The following STRIP1 variants were observed in gnomAD, a reference collection of about 807,000 sequenced individuals.
STRIP1 encodes the protein striatin interacting protein 1.
Under a neutral mutation model 106.2 loss-of-function variants are expected in STRIP1, and 63 were observed. The observed-to-expected ratio is 0.59, with a 90% confidence interval of 0.48 to 0.73. The LOEUF is 0.73. STRIP1 is among the 30% of genes least tolerant of loss of function. The pLI, the probability that STRIP1 is intolerant of heterozygous loss-of-function variation, is 0.00. For missense variants in STRIP1, 857 were observed against 1,074.8 expected (o/e 0.80, Z 2.83); for synonymous variants, 390 against 413.0 (o/e 0.94, Z 0.67).
At chr1:110,052,324 C>G (rs752542876) in intron 20 of STRIP1, among the ~76,000 whole-genome samples, 1 of 152,134 alleles carries the variant, frequency 6.6e-6, no homozygotes, top group East Asian at 1.9e-4. Flanking sequence ...GGCTAGAGTG[C>G]GATCCTGGCT....
rs564301621 is a variant in STRIP1, at chr1:110,039,000, C to G, written c.326-172C>G. The G allele has an allele frequency of 3.6e-6, 3 of 822,008 alleles. No individual in the cohort carries two copies. In the African/African-American group the frequency reaches 5.2e-5, roughly 14 times the overall value. The allele number at this position is 822,008 out of a possible 1,614,324, so 50.9% of individuals were successfully genotyped here. A position where few individuals can be genotyped will look rare whatever the true frequency, so the allele number is the denominator to read the frequency against. On this transcript the variant is annotated intron_variant, in intron 3 of 20. Coordinates refer to ENST00000369795, the MANE Select transcript of STRIP1 (RefSeq NM_033088.4). ...ATTAAAATTGCACCCAAAATACCAG[C>G]GTTTCAGTTTGGAATCAAATTCATA...
chr1:110,046,652 GC>G, intron 12 of STRIP1, 27 bp from the exon 13 acceptor site: 1 of 1,608,610 alleles, frequency 6.2e-7, no homozygotes, highest in Non-Finnish European at 8.5e-7. Flanking sequence ...GTTTTCCCCA[GC>G]CCTTCTTTTC....
At chr1:110,035,214 C>T (rs964916361) in intron 1 of STRIP1, among the ~76,000 whole-genome samples, 4 of 152,140 alleles carry the variant, frequency 2.6e-5, no homozygotes, top group Non-Finnish European at 4.4e-5. Flanking sequence ...GGGCGTCTGT[C>T]CCTGGCACGC....
At chr1:110,042,056 G>A (rs1354692691) in intron 8 of STRIP1, among the ~76,000 whole-genome samples, 195 bp downstream of exon 8, 1 of 152,202 alleles carries the variant, frequency 6.6e-6, no homozygotes, top group African/African-American at 2.4e-5. Context: ...GAGGACATAG[G>A]CCTTGAGTCA....
At chr1:110,034,887 T>G (rs2101761301) in intron 1 of STRIP1, 70 bp downstream of exon 1, 1 of 1,352,006 alleles carries the variant, frequency 7.4e-7, no homozygotes, top group East Asian at 3.1e-5. Context: ...CCGGGGCCAC[T>G]CTAGGGGCCA....
At chr1:110,036,689 TA>T in intron 1 of STRIP1, among the ~76,000 whole-genome samples, 1 of 152,224 alleles carries the variant, frequency 6.6e-6, no homozygotes, top group Middle Eastern at 3.2e-3. Flanking sequence ...GATTAGTCCT[TA>T]AAAATCTTCA....
upstream of STRIP1, among the ~76,000 whole-genome samples, chr1:110,033,642 C>T (rs2101759072): frequency 6.6e-6 from 1 of 152,308 alleles, no homozygotes; most frequent in Non-Finnish European, 1.5e-5. Context: ...CCAGTCCCAT[C>T]ACAGGGGCCC....
Position 110,042,857 on chromosome 1 carries a change from A to G in STRIP1, c.886-231A>G, listed in dbSNP as rs983974913. 5.7e-6 allele frequency: 3 copies of G among 529,350 alleles called. No homozygotes were observed. The African/African-American group carries it at 5.7e-5, about 10-fold the overall frequency. 32.8% of individuals were successfully genotyped at this position (529,350 alleles called of 1,614,324 possible). ...GGTGCAGAGTTAGTGTATCTGCACT[A>G]GGGTCAGTCAGCCTGCATCTCCACT... On this transcript the variant is annotated intron_variant, in intron 8 of 20. Transcript: ENST00000369795.
chr1:110,046,845 A>AT, intron 13 of STRIP1, 94 bp downstream of exon 13: 1 of 874,650 alleles, frequency 1.1e-6, no homozygotes, highest in Non-Finnish European at 1.9e-6. Flanking sequence ...AGGTCAGGAG[A>AT]TTGAGACCAT....
At chr1:110,042,934 T>C in intron 8 of STRIP1, 154 bp from the exon 9 acceptor site, 1 of 660,788 alleles carries the variant, frequency 1.5e-6, no homozygotes, top group South Asian at 2.1e-5. Context: ...GGAATTCTCC[T>C]TGGGAGTGGC....
intron 10 of STRIP1, 105 bp from the exon 11 acceptor site, chr1:110,044,735 C>T: frequency 1.8e-6 from 2 of 1,087,934 alleles, no homozygotes; most frequent in Non-Finnish European, 2.7e-6. Context: ...GAGACTTCTC[C>T]TGGCTTCACA....
chr1:110,051,448 C>T (rs1474584011), intron 19 of STRIP1, among the ~76,000 whole-genome samples: 2 of 152,178 alleles, frequency 1.3e-5, no homozygotes, highest in East Asian at 3.8e-4. Flanking sequence ...CCATAGCTTT[C>T]TTCAGATTCC....
chr1:110,051,787 A>G lies in STRIP1; in HGVS notation c.2166A>G (p.Lys722=). Residue 722 remains lysine, a synonymous_variant, in exon 20 of 21, where the codon AAA becomes AAG. Transcript: ENST00000369795. ...TGAAGCTGCTCAAGGTACAGACCAA[A>G]TACTTGGGGCGGCAGTGGCGAAAGA... The part of the protein sequence containing the change: ...YVLKLLKVQT[K]YLGRQWRKSN... The G allele has an allele frequency of 6.2e-7, 1 of 1,613,960 alleles. No individual in the cohort carries two copies. The highest frequency in any genetic ancestry group is 8.5e-7 in the Non-Finnish European group (1 of 1,180,036).
intron 3 of STRIP1, 129 bp from the exon 4 acceptor site, chr1:110,039,043 T>TA: frequency 9.4e-7 from 1 of 1,062,278 alleles, no homozygotes; most frequent in Non-Finnish European, 1.4e-6. Flanking sequence ...AGTATGATCT[T>TA]ACCACTTACA....
At chr1:110,052,782 T>C (rs975297216) in intron 20 of STRIP1, among the ~76,000 whole-genome samples, 3 of 152,100 alleles carry the variant, frequency 2.0e-5, no homozygotes, top group African/African-American at 7.2e-5. Flanking sequence ...CTCAGGGGGT[T>C]CTTGAACTCC....
chr1:110,054,083 T>G lies in STRIP1; in HGVS notation c.*171T>G. The G allele has an allele frequency of 5.6e-6, 4 of 714,248 alleles. No individual in the cohort carries two copies. Among genetic ancestry groups the G allele is most frequent in the Non-Finnish European group, 9.2e-6 (4 of 434,858 alleles). The allele number at this position is 714,248 out of a possible 1,614,324, so 44.2% of individuals were successfully genotyped here. ...GGGTGAGCCCAGCTTGACCTCCCCT[T>G]GGTTCCCAGGGTCCTGCTCCGAAGC... is the stretch of plus-strand genomic sequence containing the variant. On this transcript the variant is annotated 3_prime_UTR_variant, in exon 21 of 21. Transcript: ENST00000369795.
chr1:110,049,552 C>A lies in STRIP1; in HGVS notation c.1881C>A (p.Ala627=). 6.2e-7 allele frequency: 1 copy of A among 1,609,988 alleles called. No homozygotes were observed. The highest frequency in any genetic ancestry group is 1.1e-5 in the South Asian group (1 of 90,840). ...AAAACATCATGTCCTACATCACTGC[C>A]AAGAACAGGTGATGAGGGCCAGGGA... The part of the protein sequence containing the change: ...FNQNIMSYIT[A]KNSISVLDYP... The change falls in exon 17 of 21, where the codon GCC becomes GCA. Residue 627 remains alanine, a synonymous_variant. Transcript: ENST00000369795.
At chr1:110,043,570 C>A in intron 9 of STRIP1, 69 bp from the exon 10 acceptor site, 1 of 1,377,696 alleles carries the variant, frequency 7.3e-7, no homozygotes, top group South Asian at 1.2e-5. Context: ...TGCTGTGTCT[C>A]CTCTGGCTGC....
In STRIP1 at chr1:110,039,315, T is replaced by G; in HGVS notation, c.460+9T>G. 6.2e-7 allele frequency: 1 copy of G among 1,614,046 alleles called. No individual in the cohort carries two copies. The highest frequency in any genetic ancestry group is 1.3e-5 in the African/African-American group (1 of 75,020). On this transcript the variant is annotated intron_variant, in intron 4 of 20. Coordinates refer to ENST00000369795, the MANE Select transcript of STRIP1 (RefSeq NM_033088.4). Reference sequence around the variant, plus strand: ...TCTCTATGTTGCTCAAGGTATTGAGTGGACCTCCCCAGGGTTCCCTGGCAC... The same window carrying G: ...TCTCTATGTTGCTCAAGGTATTGAGGGGACCTCCCCAGGGTTCCCTGGCAC...
Sources: gnomAD v4.1 joint callset for allele counts (sites outside exome capture counted in the v4.1 genomes callset) on GRCh38, gnomAD v4.1.1 for gene constraint, MANE v1.5 for transcripts, NCBI Gene and HGNC (gene_info 2026-07-23, HGNC 2026-07-21) for gene names.